FLVCR2: variants seen among roughly 807,000 people sequenced by gnomAD.
FLVCR2 encodes FLVCR choline and putative heme transporter 2, also known as choline/ethanolamine transporter FLVCR2.
A neutral mutation model predicts 48.9 loss-of-function variants in FLVCR2; 38 were observed. That is an observed-to-expected ratio of 0.78 (90% CI 0.60 to 1.02). FLVCR2 has a LOEUF of 1.02. Among genes scored for constraint, FLVCR2 ranks in the 50% least tolerant of loss-of-function variants. The probability of loss-of-function intolerance (pLI) is 0.00; values close to 1 mark genes in which losing one functional copy is unlikely to be tolerated. For synonymous variants in FLVCR2, 255 were observed against 257.0 expected (o/e 0.99, Z 0.07); for missense variants, 664 against 663.3 (o/e 1.00, Z -0.01).
chr14:75,580,951 A>G (rs1286709743), intron 1 of FLVCR2, among the ~76,000 whole-genome samples: 1 of 152,198 alleles, frequency 6.6e-6, no homozygotes, highest in East Asian at 1.9e-4. Flanking sequence ...TATATTAATA[A>G]GAAAAGCAAA....
chr14:75,597,997 C>A (rs539477215), intron 1 of FLVCR2, among the ~76,000 whole-genome samples: 2 of 152,096 alleles, frequency 1.3e-5, no homozygotes, highest in Non-Finnish European at 2.9e-5. Flanking sequence ...CTTGTCAGGG[C>A]TGATTTTTTT....
chr14:75,587,400 C>A (rs1207557348), intron 1 of FLVCR2, among the ~76,000 whole-genome samples: 1 of 152,116 alleles, frequency 6.6e-6, no homozygotes, highest in Non-Finnish European at 1.5e-5. Context: ...TAGTTTCCAG[C>A]AGTTTTGTTT....
rs772760601 is a variant in FLVCR2 at position 75,579,418 on chromosome 14, G to T, written c.446G>T (p.Gly149Val). 2 of 1,614,012 alleles carry T rather than the reference G, an allele frequency of 1.2e-6. No homozygotes were observed. Among genetic ancestry groups the T allele is most frequent in the Non-Finnish European group, 1.7e-6 (2 of 1,180,050 alleles). Residue 149 changes from glycine (G) to valine (V), a missense_variant, in exon 1 of 10, where the codon GGC becomes GTC. Coordinates refer to ENST00000238667, the MANE Select transcript of FLVCR2 (RefSeq NM_017791.3). ...GTGGCTTGGCTGCTGGAGAAGTTCG[G>T]CCTGCGCACCATTGCTCTCACTGGC... ...LPVAWLLEKF[G>V]LRTIALTGSA... is the part of the protein sequence containing the mutation.
rs763845250 is a variant in FLVCR2, at chr14:75,579,082, C to A, written c.110C>A (p.Pro37His). Residue 37 changes from proline to histidine, a missense_variant, in exon 1 of 10, where the codon CCC becomes CAC. By Grantham distance (77) the Pro-to-His change is moderately conservative (BLOSUM62 -2). Coordinates refer to ENST00000238667, the MANE Select transcript of FLVCR2 (RefSeq NM_017791.3). ...GTCCATCCCAGCGTCTCGGTCCATCCCAGCGTCTCCATCAACCCCAGCGTC... is the reference window on the plus strand; with the variant it reads ...GTCCATCCCAGCGTCTCGGTCCATCACAGCGTCTCCATCAACCCCAGCGTC... ...VSVHPSVSVH[P>H]SVSINPSVSV... The A allele has an allele frequency of 6.2e-7, 1 of 1,613,936 alleles. No homozygotes were observed. Among genetic ancestry groups the A allele is most frequent in the Non-Finnish European group, 8.5e-7 (1 of 1,179,978 alleles).
rs1888517466 is a variant in FLVCR2 at position 75,578,809 on chromosome 14, G to A, written c.-164G>A. 3 of 685,286 alleles carry A rather than the reference G, an allele frequency of 4.4e-6. No individual in the cohort carries two copies. The Admixed American group carries it at 7.1e-5, about 16-fold the overall frequency. The allele number at this position is 685,286 out of a possible 1,614,324, so 42.5% of individuals were successfully genotyped here. A position where few individuals can be genotyped will look rare whatever the true frequency, so the allele number is the denominator to read the frequency against. ...AAAGTGGGAGCAGGAGCTTGGAGGT[G>A]AGCACAGGAAGCCCCACTTGAGGCT... On this transcript the variant is annotated 5_prime_UTR_variant, in exon 1 of 10. Transcript: ENST00000238667.
At chr14:75,643,065 T>G (rs978002595) in intron 9 of FLVCR2, among the ~76,000 whole-genome samples, 1 of 152,230 alleles carries the variant, frequency 6.6e-6, no homozygotes, top group Non-Finnish European at 1.5e-5. Context: ...TTTCACCATG[T>G]TGGCCAGTCT....
chr14:75,592,305 T>C (rs1270067102), intron 1 of FLVCR2, among the ~76,000 whole-genome samples: 2 of 152,010 alleles, frequency 1.3e-5, no homozygotes, highest in Non-Finnish European at 2.9e-5. Flanking sequence ...TATTGGGCCA[T>C]GGCTGCTCTG....
intron 1 of FLVCR2, among the ~76,000 whole-genome samples, chr14:75,615,191 C>T (rs1201232256): frequency 6.6e-6 from 1 of 152,152 alleles, no homozygotes; most frequent in African/African-American, 2.4e-5. Flanking sequence ...GGAGAGATCA[C>T]AGTTGCCTGG....
chr14:75,648,062 G>T lies in FLVCR2; in HGVS notation c.*1590G>T, dbSNP rs1890459993. ...TGTTTACTCATAAACCCTTCAAAAGGTATTAACAAAATGTTTACCAAACCT... is the reference window on the plus strand; with the variant it reads ...TGTTTACTCATAAACCCTTCAAAAGTTATTAACAAAATGTTTACCAAACCT... On this transcript the variant is annotated 3_prime_UTR_variant, in exon 10 of 10. Transcript: ENST00000238667. 1.3e-5 allele frequency: 2 copies of T among 152,642 alleles called. No homozygotes were observed. The highest frequency in any genetic ancestry group is 1.3e-4 in the Admixed American group (2 of 15,278). 9.5% of individuals were successfully genotyped at this position (152,642 alleles called of 1,614,324 possible). A position where few individuals can be genotyped will look rare whatever the true frequency, so the allele number is the denominator to read the frequency against.
chr14:75,633,985 T>TTTAGGATCAGAGAGTAAATAA (rs1890105432), intron 4 of FLVCR2, among the ~76,000 whole-genome samples: 1 of 152,176 alleles, frequency 6.6e-6, no homozygotes, highest in Admixed American at 6.5e-5. Context: ...CAAGGTTCTT[T>TTTAGGATCAGAGAGTAAATAA]TTAGGATCAG....
intron 1 of FLVCR2, chr14:75,596,034 A>G (rs1319140821): frequency 3.0e-6 from 4 of 1,348,968 alleles, no homozygotes; most frequent in East Asian, 4.6e-5. Context: ...TTTGAATGCA[A>G]ATACAAAGAT....
chr14:75,585,729 A>G (rs1888728473), intron 1 of FLVCR2, among the ~76,000 whole-genome samples: 1 of 152,204 alleles, frequency 6.6e-6, no homozygotes, highest in Non-Finnish European at 1.5e-5. Flanking sequence ...CGCAATGATT[A>G]AACACCAAGG....
intron 1 of FLVCR2, among the ~76,000 whole-genome samples, chr14:75,609,681 G>A: frequency 6.6e-6 from 1 of 152,158 alleles, no homozygotes. Context: ...GTAAGTAATT[G>A]GCAGGGTTTT....
chr14:75,617,831 G>A (rs1889654414), intron 1 of FLVCR2, among the ~76,000 whole-genome samples: 1 of 152,152 alleles, frequency 6.6e-6, no homozygotes, highest in Non-Finnish European at 1.5e-5. Flanking sequence ...ACCTATGCAG[G>A]AACCCAACCT....
At chr14:75,632,731 A>G in intron 3 of FLVCR2, 1 of 702,306 alleles carries the variant, frequency 1.4e-6, no homozygotes, top group Non-Finnish European at 2.6e-6. Flanking sequence ...TGTGAGCCTC[A>G]ATGTTTAGTT....
At chr14:75,606,193 T>C (rs1223271100) in intron 1 of FLVCR2, among the ~76,000 whole-genome samples, 1 of 152,036 alleles carries the variant, frequency 6.6e-6, no homozygotes. Context: ...GCCTGGCCAA[T>C]TTTTGTATTT....
intron 1 of FLVCR2, 26 bp from the exon 2 acceptor site, chr14:75,622,053 G>A: frequency 1.2e-6 from 2 of 1,613,978 alleles, no homozygotes; most frequent in Non-Finnish European, 8.5e-7. Context: ...TGGTAACTGT[G>A]ATTGGGTTGT....
At chr14:75,609,822 GCAGA>G (rs1010001508) in intron 1 of FLVCR2, among the ~76,000 whole-genome samples, 8 of 152,024 alleles carry the variant, frequency 5.3e-5, no homozygotes, top group African/African-American at 1.7e-4. Flanking sequence ...ATGTTGCCTT[GCAGA>G]CAAAGGAGAC....
intron 9 of FLVCR2, among the ~76,000 whole-genome samples, chr14:75,645,937 A>T (rs1248884706): frequency 6.6e-6 from 1 of 151,240 alleles, no homozygotes; most frequent in East Asian, 1.9e-4. Context: ...AAAAAAAAAA[A>T]AAGTATTCCT....
Sources: gnomAD v4.1 joint callset for allele counts (sites outside exome capture counted in the v4.1 genomes callset) on GRCh38, gnomAD v4.1.1 for gene constraint, MANE v1.5 for transcripts, NCBI Gene and HGNC (gene_info 2026-07-23, HGNC 2026-07-21) for gene names.